Variants in TAMM41 observed in about 807,000 individuals in gnomAD.
The protein encoded by TAMM41 is TAM41 mitochondrial translocator assembly and maintenance homolog.
In TAMM41, 36 loss-of-function variants were observed where a neutral mutation model predicts 44.1. That is an observed-to-expected ratio of 0.82 (90% CI 0.63 to 1.08). The LOEUF (loss-of-function observed/expected upper bound fraction) is 1.08. Ranked by LOEUF, TAMM41 falls within the 50% of genes least tolerant of loss-of-function variation. The probability of loss-of-function intolerance (pLI) is 0.00; values close to 1 mark genes in which losing one functional copy is unlikely to be tolerated. For synonymous variants in TAMM41, 164 were observed against 153.1 expected, an observed-to-expected ratio of 1.07 and a Z score of -0.53; for missense variants, 417 against 404.3, an observed-to-expected ratio of 1.03 and a Z score of -0.27.
the TAMM41 span, among the ~76,000 whole-genome samples, chr3:11,739,579 G>A: frequency 4.1e-3 from 615 of 150,018 alleles, 6 homozygotes; most frequent in African/African-American, 0.015. Flanking sequence ...GGCCGAGGAG[G>A]GAGAATTGCT....
At chr3:11,808,282 T>G in intron 6 of TAMM41, 1 of 1,046,302 alleles carries the variant, frequency 9.6e-7, no homozygotes, top group Non-Finnish European at 1.1e-6. Flanking sequence ...AGAAAAACTT[T>G]CATTCTGAAA....
the TAMM41 span, among the ~76,000 whole-genome samples, chr3:11,725,436 C>CCTG: frequency 1.4e-5 from 2 of 138,620 alleles, no homozygotes; most frequent in East Asian, 2.1e-4. Context: ...TCCTCCTCCT[C>CCTG]CTCCTCCTCC....
chr3:11,785,378 T>G, the TAMM41 span, among the ~76,000 whole-genome samples: 1 of 152,002 alleles, frequency 6.6e-6, no homozygotes. Flanking sequence ...CAGGCTGGAG[T>G]GCAGTGGCGC....
intron 3 of TAMM41, among the ~76,000 whole-genome samples, chr3:11,831,221 C>T (rs906433008): frequency 6.6e-6 from 1 of 152,130 alleles, no homozygotes; most frequent in African/African-American, 2.4e-5. Context: ...TGTGTATTAT[C>T]GGATGCAACT....
the TAMM41 span, among the ~76,000 whole-genome samples, chr3:11,772,191 C>T: frequency 6.6e-6 from 1 of 151,904 alleles, no homozygotes; most frequent in Non-Finnish European, 1.5e-5. Flanking sequence ...CTGCCTCAGC[C>T]TCCGGACTAG....
chr3:11,824,984 G>T (rs1386640121), intron 4 of TAMM41, among the ~76,000 whole-genome samples: 2 of 152,130 alleles, frequency 1.3e-5, no homozygotes, highest in East Asian at 1.9e-4. Context: ...GGGAGGGGAG[G>T]TGTGACCCAG....
At chr3:11,741,216 C>CAAAA in the TAMM41 span, among the ~76,000 whole-genome samples, 25,792 of 61,514 alleles carry the variant, frequency 0.42, 6,683 homozygotes, top group Non-Finnish European at 0.5. Flanking sequence ...GACACCGTCT[C>CAAAA]AAAAAAAAAA....
In TAMM41 at chr3:11,833,465, C is replaced by T. The variant is rs73134837; in HGVS notation, c.412-3601G>A. ...ACTGTTCAAATACTCAACCGCCCAC[C>T]AGAACTTTTCCATTCCAAACGACCA... On this transcript the variant is annotated intron_variant, in intron 3 of 7. Coordinates refer to ENST00000455809, the MANE Select transcript of TAMM41 (RefSeq NM_001284401.2). Among the ~76,000 whole-genome samples, 703 of 152,278 alleles carry T rather than the reference C, an allele frequency of 4.6e-3. 3 individuals carry two copies. Among genetic ancestry groups the T allele is most frequent in the Middle Eastern group, 0.034 (10 of 294 alleles).
chr3:11,731,945 C>A, the TAMM41 span, among the ~76,000 whole-genome samples: 1 of 151,600 alleles, frequency 6.6e-6, no homozygotes, highest in African/African-American at 2.4e-5. Flanking sequence ...CGGCTCACTG[C>A]AACCGCTGCC....
At chr3:11,789,189 A>C (rs2077435207), downstream of TAMM41, among the ~76,000 whole-genome samples, 1 of 152,194 alleles carries the variant, frequency 6.6e-6, no homozygotes, top group South Asian at 2.1e-4. Context: ...AAAATCACAT[A>C]TCTGGTCAGT....
chr3:11,733,008 G>GT, the TAMM41 span, among the ~76,000 whole-genome samples: 23 of 123,660 alleles, frequency 1.9e-4, no homozygotes, highest in South Asian at 2.7e-4. Flanking sequence ...TTGTTTGTTT[G>GT]TTTGTTTTGA....
chr3:11,829,229 TA>T (rs1331193731), intron 4 of TAMM41, among the ~76,000 whole-genome samples: 2 of 152,156 alleles, frequency 1.3e-5, no homozygotes, highest in African/African-American at 4.8e-5. Flanking sequence ...AACTTGTTTC[TA>T]AAAATAAAAA....
intron 4 of TAMM41, among the ~76,000 whole-genome samples, chr3:11,829,280 G>A (rs1419298889): frequency 6.6e-6 from 1 of 152,138 alleles, no homozygotes; most frequent in Admixed American, 6.5e-5. Flanking sequence ...TCAACTGTCT[G>A]GGGTAGGGCC....
intron 7 of TAMM41, among the ~76,000 whole-genome samples, chr3:11,804,982 C>G (rs1229479006): frequency 6.7e-6 from 1 of 149,738 alleles, no homozygotes; most frequent in Non-Finnish European, 1.5e-5. Context: ...GGGCGCGCAC[C>G]ACCACGCCCA....
downstream of TAMM41, among the ~76,000 whole-genome samples, chr3:11,787,369 G>A (rs2077423750): frequency 6.6e-6 from 1 of 152,212 alleles, no homozygotes; most frequent in Admixed American, 6.5e-5. Context: ...CAACACAGCA[G>A]CAGGTGTGGG....
rs536518992 is a variant in TAMM41, at chr3:11,825,709, T to C, written c.562+4005A>G. On this transcript the variant is annotated intron_variant, in intron 4 of 7. Coordinates refer to ENST00000455809, the MANE Select transcript of TAMM41 (RefSeq NM_001284401.2). Reference sequence around the variant, plus strand: ...CATAGGAGAGTGCCCGAAAGTGTTTTTCATTCCATGAGGACCTTAACCGGC... The same window carrying C: ...CATAGGAGAGTGCCCGAAAGTGTTTCTCATTCCATGAGGACCTTAACCGGC... Among the ~76,000 whole-genome samples the C allele has an allele frequency of 2.0e-3, 311 of 152,324 alleles. 1 individual carries two copies. Among genetic ancestry groups the C allele is most frequent in the Non-Finnish European group, 3.6e-3 (243 of 68,042 alleles).
chr3:11,752,515 A>C, the TAMM41 span, among the ~76,000 whole-genome samples: 9 of 149,522 alleles, frequency 6.0e-5, no homozygotes, highest in Non-Finnish European at 1.2e-4. Flanking sequence ...CTAGCTACAG[A>C]GTGCTGATTA....
At chr3:11,768,012 T>C in the TAMM41 span, among the ~76,000 whole-genome samples, 1 of 150,236 alleles carries the variant, frequency 6.7e-6, no homozygotes, top group Non-Finnish European at 1.5e-5. Context: ...CCTGTGGGGG[T>C]GAATAGGTGT....
chr3:11,843,547 G>C (rs2079541487), intron 2 of TAMM41: 1 of 153,118 alleles, frequency 6.5e-6, no homozygotes, highest in African/African-American at 2.4e-5. Flanking sequence ...GACCAGCCTG[G>C]CCAACATGGT....
Sources: allele counts gnomAD v4.1 joint callset (sites outside exome capture counted in the v4.1 genomes callset), GRCh38; gene constraint gnomAD v4.1.1; transcripts MANE v1.5; gene names NCBI Gene and HGNC (gene_info 2026-07-23, HGNC 2026-07-21).